MARCHF8: variants seen among roughly 807,000 people sequenced by gnomAD.
MARCHF8 encodes the protein membrane associated ring-CH-type finger 8.
A neutral mutation model predicts 51.6 loss-of-function variants in MARCHF8; 40 were observed. The ratio of observed to expected loss-of-function variants is 0.77; its 90% confidence interval spans 0.60 to 1.01. The LOEUF (loss-of-function observed/expected upper bound fraction) is 1.01, where lower values mean the gene tolerates loss of function less well. Among genes scored for constraint, MARCHF8 ranks in the 50% least tolerant of loss-of-function variants. MARCHF8 has a pLI of 0.00. For synonymous variants in MARCHF8, 263 were observed against 280.3 expected, an observed-to-expected ratio of 0.94 and a Z score of 0.62; for missense variants, 685 against 708.6, an observed-to-expected ratio of 0.97 and a Z score of 0.38.
chr10:45,491,110 G>T (rs1186402163), intron 2 of MARCHF8, among the ~76,000 whole-genome samples: 1 of 152,122 alleles, frequency 6.6e-6, no homozygotes, highest in Non-Finnish European at 1.5e-5. Flanking sequence ...TGCTGCCCAG[G>T]CTCAACTCCT....
chr10:45,527,951 C>A (rs1470609062), intron 2 of MARCHF8, among the ~76,000 whole-genome samples: 1 of 152,034 alleles, frequency 6.6e-6, no homozygotes, highest in Admixed American at 6.6e-5. Context: ...GTTTAACATA[C>A]AAAAATCAAT....
Position 45,463,772 on chromosome 10 carries a change from C to T in MARCHF8, c.467G>A (p.Arg156Lys), listed in dbSNP as rs755680384. The T allele has an allele frequency of 2.5e-5, 38 of 1,550,974 alleles. No individual in the cohort carries two copies. Among genetic ancestry groups the T allele is most frequent in the Middle Eastern group, 3.3e-4 (2 of 6,020 alleles). The change falls in exon 5 of 8, where the codon AGG (arginine) becomes AAG (lysine). Residue 156 changes from arginine to lysine, a missense_variant. By Grantham distance (26) the Arg-to-Lys change is conservative (BLOSUM62 2). Transcript: ENST00000453424. ...CTTCTCACCCACATCATTGAGGGACCTTGAGAACTTTAGTGTTCTTCTGGC... is the reference window on the plus strand; with the variant it reads ...CTTCTCACCCACATCATTGAGGGACTTTGAGAACTTTAGTGTTCTTCTGGC... ...TKARRTLKFS[R>K]SLNDVGEKAQ...
chr10:45,588,259 C>T (rs757099416), intron 1 of MARCHF8, among the ~76,000 whole-genome samples: 1 of 151,270 alleles, frequency 6.6e-6, no homozygotes, highest in East Asian at 1.9e-4. Context: ...TACAGTCATA[C>T]AACATTTCTT....
chr10:45,556,867 G>C (rs1288576251), intron 1 of MARCHF8, among the ~76,000 whole-genome samples: 1 of 151,974 alleles, frequency 6.6e-6, no homozygotes. Context: ...ATAGAATCAA[G>C]TATTAAAAAG....
intron 1 of MARCHF8, among the ~76,000 whole-genome samples, chr10:45,573,866 T>A (rs2044459652): frequency 1.3e-5 from 2 of 152,182 alleles, no homozygotes; most frequent in African/African-American, 4.8e-5. Context: ...ACCACGCTTC[T>A]AAAACCTCTT....
chr10:45,583,726 T>G (rs1435971841), intron 1 of MARCHF8, among the ~76,000 whole-genome samples: 2 of 152,162 alleles, frequency 1.3e-5, no homozygotes, highest in Admixed American at 6.5e-5. Context: ...AGATGAGACT[T>G]TTTCTTTATG....
chr10:45,516,812 G>A (rs141108926), intron 2 of MARCHF8, among the ~76,000 whole-genome samples: 31 of 152,016 alleles, frequency 2.0e-4, no homozygotes, highest in African/African-American at 6.3e-4. Flanking sequence ...AAAATCCTCA[G>A]AATTAACAGC....
chr10:45,471,290 C>T (rs1220869539), intron 3 of MARCHF8, among the ~76,000 whole-genome samples: 5 of 152,156 alleles, frequency 3.3e-5, no homozygotes, highest in Non-Finnish European at 2.9e-5. Context: ...TATTACAGCA[C>T]TGGTGGAGGG....
At chr10:45,563,498 C>T (rs1460174394) in intron 1 of MARCHF8, among the ~76,000 whole-genome samples, 1 of 152,030 alleles carries the variant, frequency 6.6e-6, no homozygotes, top group Non-Finnish European at 1.5e-5. Flanking sequence ...GCTTTGTTAA[C>T]GTAAGTCTAT....
At chr10:45,521,406 T>C (rs1295942793) in intron 2 of MARCHF8, among the ~76,000 whole-genome samples, 1 of 152,220 alleles carries the variant, frequency 6.6e-6, no homozygotes, top group Non-Finnish European at 1.5e-5. Context: ...TAGTAAAATG[T>C]AGGGGCCTTT....
At chr10:45,582,042 T>C (rs2044561811) in intron 1 of MARCHF8, among the ~76,000 whole-genome samples, 1 of 152,208 alleles carries the variant, frequency 6.6e-6, no homozygotes, top group African/African-American at 2.4e-5. Flanking sequence ...ATATGTTTTT[T>C]AAAATTATTT....
At chr10:45,594,358 A>C (rs1208890258) in exon 1 of MARCHF8, 5 of 152,270 alleles carry the variant, frequency 3.3e-5, no homozygotes, top group African/African-American at 4.8e-5. Flanking sequence ...CTCAGGCCAA[A>C]GACGACGGCT....
intron 2 of MARCHF8, among the ~76,000 whole-genome samples, chr10:45,519,497 G>A (rs927188901): frequency 2.0e-5 from 3 of 152,176 alleles, no homozygotes; most frequent in Non-Finnish European, 2.9e-5. Flanking sequence ...AATATTTTAT[G>A]CTTTGCAAGT....
intron 2 of MARCHF8, among the ~76,000 whole-genome samples, chr10:45,524,964 A>G (rs1267082043): frequency 6.6e-6 from 1 of 152,276 alleles, no homozygotes; most frequent in Non-Finnish European, 1.5e-5. Context: ...GAGATACTGC[A>G]ATGTTAAAAT....
chr10:45,526,512 AGCT>A (rs2043796773), intron 2 of MARCHF8, among the ~76,000 whole-genome samples: 1 of 152,208 alleles, frequency 6.6e-6, no homozygotes, highest in South Asian at 2.1e-4. Flanking sequence ...AGCCCTGAGC[AGCT>A]GCTGCTACCA....
intron 1 of MARCHF8, among the ~76,000 whole-genome samples, chr10:45,574,487 TC>T (rs2044467022): frequency 6.6e-6 from 1 of 152,184 alleles, no homozygotes; most frequent in Admixed American, 6.5e-5. Context: ...TTTGCACCCT[TC>T]ATCCCAGCCT....
chr10:45,463,299 CAA>C lies in MARCHF8; in HGVS notation c.938_939del (p.Phe313Ter). 6.4e-7 allele frequency: 1 copy of C among 1,551,032 alleles called. No homozygotes were observed. Among genetic ancestry groups the C allele is most frequent in the Non-Finnish European group, 8.7e-7 (1 of 1,147,092 alleles). ...TTCAGTTTTGCAGATGTGCTGTCCT[CAA>C]AGACATCGTCGTCTCCCATCTCGTC... The part of the protein sequence containing the change: ...CSDEMGDDDV[F>X]EDSTSAKLKS... On this transcript the variant is annotated frameshift_variant, in exon 5 of 8. Coordinates refer to ENST00000453424, the MANE Select transcript of MARCHF8 (RefSeq NM_001282866.2). LOFTEE classifies it high-confidence loss of function.
intron 3 of MARCHF8, among the ~76,000 whole-genome samples, chr10:45,469,625 G>T (rs988612160): frequency 6.6e-6 from 1 of 152,096 alleles, no homozygotes; most frequent in Non-Finnish European, 1.5e-5. Flanking sequence ...CAGCACTTTG[G>T]GGGGCCGAGG....
chr10:45,465,439 G>A (rs551620535), intron 3 of MARCHF8, among the ~76,000 whole-genome samples: 1 of 152,158 alleles, frequency 6.6e-6, no homozygotes, highest in Non-Finnish European at 1.5e-5. Context: ...TTCCCTGGCT[G>A]AGGCCTAGTC....
Sources: gnomAD v4.1 joint callset for allele counts (sites outside exome capture counted in the v4.1 genomes callset) on GRCh38, gnomAD v4.1.1 for gene constraint, MANE v1.5 for transcripts, NCBI Gene and HGNC (gene_info 2026-07-23, HGNC 2026-07-21) for gene names.